Variants in PPM1H observed in about 807,000 individuals in gnomAD.
PPM1H encodes protein phosphatase, Mg2+/Mn2+ dependent 1H.
A neutral mutation model predicts 54.9 loss-of-function variants in PPM1H; 27 were observed. That is an observed-to-expected ratio of 0.49 (90% confidence interval 0.36 to 0.68). PPM1H has a LOEUF of 0.68. Among genes scored for constraint, PPM1H ranks in the 30% least tolerant of loss-of-function variants. The pLI is 0.00. For synonymous variants in PPM1H, 305 were observed against 270.8 expected, an observed-to-expected ratio of 1.13 and a Z score of -1.24; for missense variants, 596 against 667.8, an observed-to-expected ratio of 0.89 and a Z score of 1.19.
intron 8 of PPM1H, among the ~76,000 whole-genome samples, chr12:62,687,998 G>C (rs1297944636): frequency 1.6e-5 from 2 of 128,016 alleles, no homozygotes; most frequent in Non-Finnish European, 3.1e-5. Flanking sequence ...AACAGAGTGA[G>C]ACTCCATCTC....
At chr12:62,825,328 T>C (rs1868278641) in intron 2 of PPM1H, among the ~76,000 whole-genome samples, 1 of 152,206 alleles carries the variant, frequency 6.6e-6, no homozygotes, top group Non-Finnish European at 1.5e-5. Context: ...AGTGTGGTGA[T>C]TCCTCAGTGA....
chr12:62,670,565 A>C (rs2075951490), intron 8 of PPM1H, among the ~76,000 whole-genome samples: 1 of 152,166 alleles, frequency 6.6e-6, no homozygotes, highest in Non-Finnish European at 1.5e-5. Context: ...TGTGTTATTC[A>C]AGCTGAAGTT....
At chr12:62,653,754 C>A (rs1165099610) in intron 9 of PPM1H, among the ~76,000 whole-genome samples, 1 of 152,146 alleles carries the variant, frequency 6.6e-6, no homozygotes, top group Non-Finnish European at 1.5e-5. Flanking sequence ...ATGTTCATTT[C>A]AGCTTTTTGG....
chr12:62,654,456 G>GCAGA (rs1304488794), intron 9 of PPM1H, among the ~76,000 whole-genome samples: 1 of 152,214 alleles, frequency 6.6e-6, no homozygotes, highest in Non-Finnish European at 1.5e-5. Context: ...CACTGTGCAT[G>GCAGA]CAGACAGCCC....
chr12:62,833,570 AG>A (rs939740942), intron 1 of PPM1H, among the ~76,000 whole-genome samples: 11 of 152,148 alleles, frequency 7.2e-5, no homozygotes, highest in African/African-American at 2.4e-4. Context: ...AATAGCTTTT[AG>A]TACTAAAAAT....
At chr12:62,744,091 A>G (rs2076396969) in intron 4 of PPM1H, among the ~76,000 whole-genome samples, 1 of 151,728 alleles carries the variant, frequency 6.6e-6, no homozygotes, top group Non-Finnish European at 1.5e-5. Flanking sequence ...CAAAGACTGG[A>G]AACAGCCTGA....
intron 4 of PPM1H, among the ~76,000 whole-genome samples, chr12:62,781,794 G>A (rs1297291092): frequency 6.6e-6 from 1 of 152,168 alleles, no homozygotes; most frequent in African/African-American, 2.4e-5. Flanking sequence ...GTGGCCTGAT[G>A]GGAAAAGTAC....
intron 3 of PPM1H, 71 bp downstream of exon 3, chr12:62,801,745 C>T: frequency 6.5e-7 from 1 of 1,537,876 alleles, no homozygotes; most frequent in Non-Finnish European, 8.9e-7. Flanking sequence ...GGGAGCCCTC[C>T]AGGAAGGACG....
intron 8 of PPM1H, among the ~76,000 whole-genome samples, chr12:62,685,010 T>C (rs2076043405): frequency 6.6e-6 from 1 of 152,048 alleles, no homozygotes; most frequent in Admixed American, 6.5e-5. Context: ...CTTCTAACAG[T>C]TCCACCCCCT....
At chr12:62,897,747 G>C (rs1173886921) in intron 1 of PPM1H, among the ~76,000 whole-genome samples, 1 of 152,028 alleles carries the variant, frequency 6.6e-6, no homozygotes, top group Non-Finnish European at 1.5e-5. Context: ...TCTCTTTCAA[G>C]ACTCTAAACC....
At chr12:62,770,286 A>G (rs2076571005) in intron 4 of PPM1H, among the ~76,000 whole-genome samples, 1 of 152,162 alleles carries the variant, frequency 6.6e-6, no homozygotes, top group South Asian at 2.1e-4. Context: ...CTTATCACAG[A>G]TAAGGCCTCT....
At chr12:62,878,180 G>C (rs1227185264) in intron 1 of PPM1H, among the ~76,000 whole-genome samples, 1 of 152,198 alleles carries the variant, frequency 6.6e-6, no homozygotes, top group African/African-American at 2.4e-5. Flanking sequence ...TTACAGGCGT[G>C]AGCCACCGCG....
At chr12:62,928,423 T>C (rs1030682385) in intron 1 of PPM1H, among the ~76,000 whole-genome samples, 5 of 152,230 alleles carry the variant, frequency 3.3e-5, no homozygotes, top group Non-Finnish European at 5.9e-5. Context: ...TAAGGGCATC[T>C]GCTCTCCTTA....
At chr12:62,683,366 T>C (rs987153816) in intron 8 of PPM1H, among the ~76,000 whole-genome samples, 1 of 152,130 alleles carries the variant, frequency 6.6e-6, no homozygotes, top group African/African-American at 2.4e-5. Context: ...TCATTTGCTT[T>C]TCCTAACAAC....
At chr12:62,851,474 G>A (rs1265069386) in intron 1 of PPM1H, among the ~76,000 whole-genome samples, 5 of 152,188 alleles carry the variant, frequency 3.3e-5, no homozygotes, top group Non-Finnish European at 7.3e-5. Flanking sequence ...AGGCCAAGGT[G>A]GGTGGATCAC....
intron 1 of PPM1H, among the ~76,000 whole-genome samples, chr12:62,879,149 T>A (rs370348913): frequency 5.9e-5 from 9 of 152,196 alleles, no homozygotes; most frequent in African/African-American, 1.7e-4. Context: ...GAGGTCCCAA[T>A]GAGTCACCGT....
At chr12:62,663,798 C>A (rs61521759) in intron 9 of PPM1H, among the ~76,000 whole-genome samples, 1 of 152,214 alleles carries the variant, frequency 6.6e-6, no homozygotes, top group African/African-American at 2.4e-5. Context: ...TCGAGACCAG[C>A]CTGACCAACA....
At chr12:62,689,229 G>A (rs2076070608) in intron 8 of PPM1H, among the ~76,000 whole-genome samples, 2 of 152,190 alleles carry the variant, frequency 1.3e-5, no homozygotes, top group African/African-American at 2.4e-5. Flanking sequence ...AATAGTTTAA[G>A]CAAATATGGG....
chr12:62,898,099 T>C (rs1461986423), intron 1 of PPM1H, among the ~76,000 whole-genome samples: 1 of 152,138 alleles, frequency 6.6e-6, no homozygotes, highest in Non-Finnish European at 1.5e-5. Flanking sequence ...ACCTCATAAA[T>C]GAGTTAAACT....
Sources: allele counts gnomAD v4.1 joint callset (sites outside exome capture counted in the v4.1 genomes callset), GRCh38; gene constraint gnomAD v4.1.1; transcripts MANE v1.5; gene names NCBI Gene and HGNC (gene_info 2026-07-23, HGNC 2026-07-21).